Variants in ATXN10 observed in about 807,000 individuals in gnomAD.
The protein encoded by ATXN10 is ataxin 10.
Under a neutral mutation model 52.9 loss-of-function variants are expected in ATXN10, and 28 were observed. That is an observed-to-expected ratio of 0.53 (90% CI 0.39 to 0.73). The LOEUF (loss-of-function observed/expected upper bound fraction) is 0.73, where lower values mean the gene tolerates loss of function less well. Ranked by LOEUF, ATXN10 falls within the 30% of genes least tolerant of loss-of-function variation. The probability of loss-of-function intolerance (pLI) is 0.00; values close to 1 mark genes in which losing one functional copy is unlikely to be tolerated. For missense variants in ATXN10, 565 were observed against 577.0 expected (o/e 0.98, Z 0.21); for synonymous variants, 226 against 221.5 (o/e 1.02, Z -0.18).
At position 45,835,675 on chromosome 22, in the gene ATXN10, G is replaced by C. The variant is rs1929143923; in HGVS notation, c.1238-7316G>C. Among the ~76,000 whole-genome samples the C allele has an allele frequency of 6.6e-6, 1 of 152,202 alleles. No individual in the cohort carries two copies. The highest frequency in any genetic ancestry group is 2.4e-5 in the African/African-American group (1 of 41,450). On this transcript the variant is annotated intron_variant, in intron 10 of 11. Transcript: ENST00000252934. The surrounding 1 kb of genome is among the most constrained non-coding windows in gnomAD (Gnocchi z 5.0). ...CTTACGGCCTAGAAGCCGATTAGCAGCCTCAGCTTTCAGTGCAGGGGTGTT... is the reference window on the plus strand; with the variant it reads ...CTTACGGCCTAGAAGCCGATTAGCACCCTCAGCTTTCAGTGCAGGGGTGTT...
chr22:45,734,074 G>C (rs1331749633), intron 7 of ATXN10, among the ~76,000 whole-genome samples: 1 of 151,714 alleles, frequency 6.6e-6, no homozygotes, highest in African/African-American at 2.4e-5. Flanking sequence ...CTTTCAGGTT[G>C]CTTTTTTTTT....
intron 8 of ATXN10, among the ~76,000 whole-genome samples, chr22:45,739,255 C>T (rs979212299): frequency 6.6e-6 from 1 of 152,134 alleles, no homozygotes; most frequent in Non-Finnish European, 1.5e-5. Context: ...GTGTTTTATA[C>T]ATATTATATA....
chr22:45,836,293 G>A (rs1929165206), intron 10 of ATXN10, among the ~76,000 whole-genome samples: 1 of 152,254 alleles, frequency 6.6e-6, no homozygotes, highest in African/African-American at 2.4e-5. Flanking sequence ...GTGAACTTTA[G>A]AAAGCAATGA....
At chr22:45,800,780 A>G (rs1427961640) in intron 9 of ATXN10, among the ~76,000 whole-genome samples, 1 of 152,374 alleles carries the variant, frequency 6.6e-6, no homozygotes, top group Non-Finnish European at 1.5e-5. Flanking sequence ...AACAACGTGG[A>G]TGAATCTCGA....
Position 45,702,780 on chromosome 22 carries a change from G to T in ATXN10, c.580G>T (p.Glu194Ter), listed in dbSNP as rs1923889955. Reference sequence around the variant, plus strand: ...TAATCATGAAAGAATGAAAGAACTGGAGGAGAACCTCAATATTGCAATTGA... The same window carrying T: ...TAATCATGAAAGAATGAAAGAACTGTAGGAGAACCTCAATATTGCAATTGA... ...SLNHERMKEL[E>*]ENLNIAIDVI... is the part of the protein sequence containing the mutation. The change falls in exon 5 of 12, where the codon GAG becomes TAG. Residue 194 changes from glutamate to a stop codon, truncating the protein, a stop_gained. Coordinates refer to ENST00000252934, the MANE Select transcript of ATXN10 (RefSeq NM_013236.4). LOFTEE classifies it high-confidence loss of function. 6.2e-7 allele frequency: 1 copy of T among 1,613,878 alleles called. No homozygotes were observed.
In ATXN10 at chr22:45,819,346, A is replaced by G. The variant is rs139205076; in HGVS notation, c.1237+12324A>G. On this transcript the variant is annotated intron_variant, in intron 10 of 11. Coordinates refer to ENST00000252934, the MANE Select transcript of ATXN10 (RefSeq NM_013236.4). The surrounding 1 kb of genome is among the most constrained non-coding windows in gnomAD (Gnocchi z 4.5). ...TAAAGTAGCCTAAAGTATCAGCTCAAAATCCACATGCCTGATGGTTTCCTT... is the reference window on the plus strand; with the variant it reads ...TAAAGTAGCCTAAAGTATCAGCTCAGAATCCACATGCCTGATGGTTTCCTT... Among the ~76,000 whole-genome samples, 159 of 152,314 alleles carry G rather than the reference A, an allele frequency of 1.0e-3. No individual in the cohort carries two copies. Among genetic ancestry groups the G allele is most frequent in the Non-Finnish European group, 1.8e-3 (123 of 68,026 alleles).
intron 9 of ATXN10, among the ~76,000 whole-genome samples, chr22:45,782,911 A>G (rs561178886): frequency 6.6e-6 from 1 of 152,366 alleles, no homozygotes; most frequent in South Asian, 2.1e-4. Flanking sequence ...AGTTTAATTT[A>G]TAAATTAGGC....
chr22:45,689,612 G>C (rs193167384), intron 1 of ATXN10, 100 bp from the exon 2 acceptor site: 22 of 1,002,986 alleles, frequency 2.2e-5, no homozygotes, highest in Non-Finnish European at 3.4e-5. Context: ...TAAACGTAGC[G>C]TACCTCCCCA....
At chr22:45,779,904 G>T (rs1209601861) in intron 9 of ATXN10, among the ~76,000 whole-genome samples, 1 of 151,956 alleles carries the variant, frequency 6.6e-6, no homozygotes, top group African/African-American at 2.4e-5. Flanking sequence ...AATTAATAAT[G>T]TGTTTCTGAA....
chr22:45,779,198 T>C (rs970494987), intron 9 of ATXN10, among the ~76,000 whole-genome samples: 6 of 152,208 alleles, frequency 3.9e-5, no homozygotes, highest in African/African-American at 1.4e-4. Flanking sequence ...TTTCTTCATG[T>C]TTCTAAGTAC....
intron 4 of ATXN10, among the ~76,000 whole-genome samples, 161 bp from the exon 5 acceptor site, chr22:45,702,528 T>C (rs1923879563): frequency 6.6e-6 from 1 of 152,230 alleles, no homozygotes; most frequent in African/African-American, 2.4e-5. Flanking sequence ...AAGTTTATAT[T>C]TACTATTTTT....
At position 45,833,890 on chromosome 22, in the gene ATXN10, AG is replaced by A. The variant is rs1929074917; in HGVS notation, c.1238-9100del. 6.6e-6 allele frequency among the ~76,000 whole-genome samples: 1 copy of A among 152,192 alleles called. No homozygotes were observed. Among genetic ancestry groups the A allele is most frequent in the African/African-American group, 2.4e-5 (1 of 41,430 alleles). ...CATCGCGATCAGGGGAGCGGATGCC[AG>A]AGCCTGACTGCCTACTTCCAAATCC... On this transcript the variant is annotated intron_variant, in intron 10 of 11. Coordinates refer to ENST00000252934, the MANE Select transcript of ATXN10 (RefSeq NM_013236.4). This position sits in a 1 kb window ranked among gnomAD's most constrained non-coding sequence, Gnocchi z 4.3.
chr22:45,736,478 G>T (rs1417657864), intron 7 of ATXN10, among the ~76,000 whole-genome samples: 3 of 147,028 alleles, frequency 2.0e-5, no homozygotes, highest in African/African-American at 8.1e-5. Context: ...TACAGATAAG[G>T]GCCACCTTAT....
At chr22:45,723,401 G>A (rs1924739346) in intron 6 of ATXN10, among the ~76,000 whole-genome samples, 1 of 151,772 alleles carries the variant, frequency 6.6e-6, no homozygotes, top group Admixed American at 6.6e-5. Context: ...TGGATGGGTT[G>A]TATAGTGGTG....
In ATXN10 at chr22:45,728,417, G is replaced by T. The variant is rs745783524; in HGVS notation, c.729-1008G>T. Reference sequence around the variant, plus strand: ...GGAGTTTTGAGAATTGCTAAGGTCTGTAGGTGATTTTTCCAGACTGATGAT... The same window carrying T: ...GGAGTTTTGAGAATTGCTAAGGTCTTTAGGTGATTTTTCCAGACTGATGAT... On this transcript the variant is annotated intron_variant, in intron 6 of 11. Transcript: ENST00000252934. This position sits in a 1 kb window ranked among gnomAD's most constrained non-coding sequence, Gnocchi z 4.3. Among the ~76,000 whole-genome samples the T allele has an allele frequency of 6.6e-6, 1 of 152,204 alleles. No individual in the cohort carries two copies. Among genetic ancestry groups the T allele is most frequent in the South Asian group, 2.1e-4 (1 of 4,830 alleles).
chr22:45,780,677 C>T lies in ATXN10; in HGVS notation c.1174-26282C>T, dbSNP rs1290368947. On this transcript the variant is annotated intron_variant, in intron 9 of 11. Coordinates refer to ENST00000252934, the MANE Select transcript of ATXN10 (RefSeq NM_013236.4). This position sits in a 1 kb window ranked among gnomAD's most constrained non-coding sequence, Gnocchi z 4.0. ...TATTAACTGCCTTTATTTTTGTTTG[C>T]ACAAATATATCCTAATCTTCTGAAA... Among the ~76,000 whole-genome samples the T allele has an allele frequency of 6.6e-6, 1 of 152,128 alleles. No individual in the cohort carries two copies. Among genetic ancestry groups the T allele is most frequent in the Admixed American group, 6.5e-5 (1 of 15,278 alleles).
chr22:45,700,223 C>G, intron 3 of ATXN10, 59 bp from the exon 4 acceptor site: 1 of 1,138,402 alleles, frequency 8.8e-7, no homozygotes. Context: ...TCTTAAGATG[C>G]ATTTATTTAT....
chr22:45,800,959 G>A (rs925823453), intron 9 of ATXN10, among the ~76,000 whole-genome samples: 1 of 152,368 alleles, frequency 6.6e-6, no homozygotes, highest in East Asian at 1.9e-4. Flanking sequence ...AACATCCCAT[G>A]TCTTGATTTG....
intron 9 of ATXN10, among the ~76,000 whole-genome samples, chr22:45,767,522 A>G (rs73444645): frequency 0.015 from 2,211 of 152,178 alleles, 48 homozygotes; most frequent in African/African-American, 0.05. Flanking sequence ...CATTTTAAAC[A>G]TGGTTAGCTT....
Sources: gnomAD v4.1 joint callset for allele counts (sites outside exome capture counted in the v4.1 genomes callset) on GRCh38, gnomAD v4.1.1 for gene constraint, Gnocchi (gnomAD v3.1) non-coding constraint, MANE v1.5 for transcripts, NCBI Gene and HGNC (gene_info 2026-07-23, HGNC 2026-07-21) for gene names.